The following KDM5B variants were observed in gnomAD, a reference collection of about 807,000 sequenced individuals.
KDM5B encodes the protein lysine demethylase 5B, also known as lysine-specific demethylase 5B.
Under a neutral mutation model 193.4 loss-of-function variants are expected in KDM5B, and 144 were observed. The observed-to-expected ratio is 0.74, with a 90% CI of 0.65 to 0.86. The LOEUF (loss-of-function observed/expected upper bound fraction) is 0.86, where lower values mean the gene tolerates loss of function less well. Ranked by LOEUF, KDM5B falls within the 40% of genes least tolerant of loss-of-function variation. The probability of loss-of-function intolerance (pLI) is 0.00; values close to 1 mark genes in which losing one functional copy is unlikely to be tolerated. For synonymous variants in KDM5B, 668 were observed against 682.6 expected, an observed-to-expected ratio of 0.98 and a Z score of 0.33; for missense variants, 1,833 against 1,886.9, an observed-to-expected ratio of 0.97 and a Z score of 0.53.
At position 202,777,044 on chromosome 1, in the gene KDM5B, T is replaced by C. The variant is rs1400560219; in HGVS notation, c.255A>G (p.Pro85=). The C allele has an allele frequency of 3.1e-6, 5 of 1,613,322 alleles. No homozygotes were observed. The highest frequency in any genetic ancestry group is 4.2e-6 in the Non-Finnish European group (5 of 1,179,276). Reference sequence around the variant, plus strand: ...CCAATTCATTCAGTCTCTGGATACGTGGCGTAAAATGAAGTTTATCAACAT... The same window carrying C: ...CCAATTCATTCAGTCTCTGGATACGCGGCGTAAAATGAAGTTTATCAACAT... ...ACDVDKLHFT[P]RIQRLNELEA... is the part of the protein sequence containing the mutation. Residue 85 remains proline (P), a synonymous_variant, in exon 2 of 27, where the codon CCA becomes CCG. Transcript: ENST00000367265.
At position 202,781,130 on chromosome 1, in the gene KDM5B, C is replaced by T. The variant is rs531723818; in HGVS notation, c.205-4036G>A. Among the ~76,000 whole-genome samples, 506 of 152,104 alleles carry T rather than the reference C, an allele frequency of 3.3e-3. 2 individuals are homozygous for T. The highest frequency in any genetic ancestry group is 4.5e-3 in the Non-Finnish European group (307 of 67,984). On this transcript the variant is annotated intron_variant, in intron 1 of 26. Transcript: ENST00000367265. ...TAGCAGTTTGAGACCAGTCTCTATC[C>T]GTCTCTACCAAAAAATGTAAAAATT...
Position 202,728,782 on chromosome 1 carries a change from A to G in KDM5B, c.*254T>C. Reference sequence around the variant, plus strand: ...AAATTGGTGGGAACCCCTGCAAAAAAAACAGTCAGCTTTTCAAACCTCAAC... The same window carrying G: ...AAATTGGTGGGAACCCCTGCAAAAAGAACAGTCAGCTTTTCAAACCTCAAC... On this transcript the variant is annotated 3_prime_UTR_variant, in exon 27 of 27. Coordinates refer to ENST00000367265, the MANE Select transcript of KDM5B (RefSeq NM_006618.5). 1 of 386,616 alleles carries G rather than the reference A, an allele frequency of 2.6e-6. No homozygotes were observed. The highest frequency in any genetic ancestry group is 4.7e-5 in the East Asian group (1 of 21,474). The allele number at this position is 386,616 out of a possible 1,614,324, so 23.9% of individuals were successfully genotyped here. A position where few individuals can be genotyped will look rare whatever the true frequency, so the allele number is the denominator to read the frequency against.
At chr1:202,800,325 A>G (rs776717653) in intron 1 of KDM5B, among the ~76,000 whole-genome samples, 1 of 151,200 alleles carries the variant, frequency 6.6e-6, no homozygotes, top group Non-Finnish European at 1.5e-5. Flanking sequence ...TACAGGTGTG[A>G]GCCACCGCAC....
chr1:202,756,552 C>A, intron 9 of KDM5B, 36 bp from the exon 10 acceptor site: 1 of 1,522,266 alleles, frequency 6.6e-7, no homozygotes, highest in Non-Finnish European at 8.9e-7. Flanking sequence ...TGAGTTTCCT[C>A]ACAAACTGTC....
At chr1:202,729,661 C>T in intron 26 of KDM5B, 46 bp downstream of exon 26, 1 of 1,540,382 alleles carries the variant, frequency 6.5e-7, no homozygotes, top group East Asian at 2.3e-5. Flanking sequence ...TACAGGGTTT[C>T]TGAGTTAAGG....
chr1:202,798,589 C>G (rs570475027), intron 1 of KDM5B, among the ~76,000 whole-genome samples: 2 of 152,072 alleles, frequency 1.3e-5, no homozygotes, highest in African/African-American at 4.8e-5. Context: ...ATTAGCCAGG[C>G]ATGGTGGTGT....
chr1:202,729,574 A>G, intron 26 of KDM5B, 133 bp downstream of exon 26: 1 of 717,424 alleles, frequency 1.4e-6, no homozygotes, highest in Admixed American at 2.9e-5. Flanking sequence ...TCAGTGGGGG[A>G]AGGGCTGAGC....
intron 9 of KDM5B, among the ~76,000 whole-genome samples, 177 bp downstream of exon 9, chr1:202,758,208 AAATTAG>A (rs1656096424): frequency 6.6e-6 from 1 of 152,228 alleles, no homozygotes; most frequent in African/African-American, 2.4e-5. Context: ...CTAAAATAAA[AAATTAG>A]AATGCTTTTT....
chr1:202,789,350 A>G (rs930211851), intron 1 of KDM5B, among the ~76,000 whole-genome samples: 2 of 151,752 alleles, frequency 1.3e-5, no homozygotes, highest in African/African-American at 4.8e-5. Context: ...GTGAAACCCC[A>G]TCTCTACTGA....
intron 1 of KDM5B, among the ~76,000 whole-genome samples, chr1:202,779,336 A>G (rs983700722): frequency 6.6e-6 from 1 of 152,002 alleles, no homozygotes; most frequent in Non-Finnish European, 1.5e-5. Flanking sequence ...AAAATTAGCC[A>G]GGCGTGGTGG....
At chr1:202,787,260 T>C (rs1276195575) in intron 1 of KDM5B, among the ~76,000 whole-genome samples, 17 of 152,074 alleles carry the variant, frequency 1.1e-4, no homozygotes, top group Admixed American at 1.1e-3. Flanking sequence ...TACTCCAACC[T>C]TTGGCCTCCC....
At chr1:202,742,356 C>G (rs1451847690) in intron 18 of KDM5B, 35 bp downstream of exon 18, 1 of 1,428,606 alleles carries the variant, frequency 7.0e-7, no homozygotes, top group Admixed American at 1.7e-5. Flanking sequence ...TACAGGATTA[C>G]CAAAGTATTC....
chr1:202,767,258 C>CAA, intron 4 of KDM5B, 198 bp from the exon 5 acceptor site: 1 of 1,600,284 alleles, frequency 6.2e-7, no homozygotes, highest in Non-Finnish European at 8.6e-7. Flanking sequence ...TGTCTTACTA[C>CAA]AAGGAAGGGT....
intron 13 of KDM5B, 146 bp from the exon 14 acceptor site, chr1:202,749,285 C>G: frequency 2.9e-6 from 2 of 690,898 alleles, no homozygotes; most frequent in Non-Finnish European, 4.7e-6. Context: ...GACTCTGGGC[C>G]AGGTAGATGG....
In KDM5B at chr1:202,808,250, C is replaced by T. The variant is rs1161754408; in HGVS notation, c.56G>A (p.Gly19Asp). 5 of 1,610,992 alleles carry T rather than the reference C, an allele frequency of 3.1e-6. No homozygotes were observed. Among genetic ancestry groups the T allele is most frequent in the African/African-American group, 1.3e-5 (1 of 74,834 alleles). ...PGPRPALPLG[G>D]PGPLGEFLPP... The stretch of plus-strand genomic sequence containing the variant: ...CAGGAACTCGCCCAGCGGGCCCGGG[C>T]CCCCGAGGGGCAGCGCCGGGCGCGG... The change falls in exon 1 of 27, where the codon GGC becomes GAC. Residue 19 changes from glycine to aspartate, a missense_variant. Gly to Asp is a moderately conservative substitution (Grantham distance 94, BLOSUM62 -1). Around this residue, in one of 3 missense-constraint regions of KDM5B, gnomAD observed 355 missense variants for 374.9 expected, o/e 0.95. Transcript: ENST00000367265.
At chr1:202,791,664 T>C (rs1294500809) in intron 1 of KDM5B, among the ~76,000 whole-genome samples, 1 of 152,168 alleles carries the variant, frequency 6.6e-6, no homozygotes, top group East Asian at 1.9e-4. Context: ...ATTCCTTGCA[T>C]ACGTCATACT....
At chr1:202,759,101 T>C (rs188418018) in intron 8 of KDM5B, among the ~76,000 whole-genome samples, 18 of 152,374 alleles carry the variant, frequency 1.2e-4, no homozygotes, top group Middle Eastern at 3.4e-3. Flanking sequence ...CTCCCATTGA[T>C]GGAGATATCC....
intron 14 of KDM5B, among the ~76,000 whole-genome samples, chr1:202,748,673 AGCCTGG>A (rs1655663718): frequency 6.6e-6 from 1 of 152,182 alleles, no homozygotes; most frequent in Non-Finnish European, 1.5e-5. Flanking sequence ...GTTTGAGACC[AGCCTGG>A]GCAACATAGT....
intron 25 of KDM5B, among the ~76,000 whole-genome samples, 156 bp downstream of exon 25, chr1:202,730,753 G>A (rs1262164955): frequency 6.6e-6 from 1 of 152,178 alleles, no homozygotes; most frequent in African/African-American, 2.4e-5. Context: ...AGGACATTAA[G>A]GAGTATCCTT....
Sources: allele counts gnomAD v4.1 joint callset (sites outside exome capture counted in the v4.1 genomes callset), GRCh38; gene constraint gnomAD v4.1.1; regional missense constraint gnomAD v4.1.1; transcripts MANE v1.5; gene names NCBI Gene and HGNC (gene_info 2026-07-23, HGNC 2026-07-21).